Variants in TRIM24 observed in about 807,000 individuals in gnomAD.
TRIM24 encodes the protein transcription intermediary factor 1-alpha.
TRIM24 carries 29 observed loss-of-function variants against 123.9 expected under a neutral mutation model. The ratio of observed to expected loss-of-function variants is 0.23; its 90% confidence interval spans 0.17 to 0.32. The LOEUF (loss-of-function observed/expected upper bound fraction) is 0.32. TRIM24 is among the 10% of genes least tolerant of loss of function. The pLI, the probability that TRIM24 is intolerant of heterozygous loss-of-function variation, is 1.00. For missense variants in TRIM24, 932 were observed against 1,295.3 expected (o/e 0.72, Z 4.31); for synonymous variants, 456 against 461.1 (o/e 0.99, Z 0.14).
chr7:138,563,042 C>A (rs948558916), intron 9 of TRIM24, among the ~76,000 whole-genome samples: 6 of 152,180 alleles, frequency 3.9e-5, no homozygotes, highest in Non-Finnish European at 7.3e-5. Context: ...GTGACCCCTA[C>A]AATAGTTGTA....
chr7:138,519,495 ATTCT>A (rs1482944705), intron 4 of TRIM24, among the ~76,000 whole-genome samples, 174 bp downstream of exon 4: 4 of 152,116 alleles, frequency 2.6e-5, no homozygotes, highest in African/African-American at 7.2e-5. Context: ...GGGCTAGGTA[ATTCT>A]TTATTGTTGA....
intron 1 of TRIM24, chr7:138,461,180 C>A: frequency 1.4e-6 from 1 of 697,662 alleles, no homozygotes; most frequent in Middle Eastern, 2.4e-4. Flanking sequence ...AGCCGGGCGG[C>A]CCCTGCCACT....
intron 1 of TRIM24, among the ~76,000 whole-genome samples, chr7:138,463,272 C>T (rs983075487): frequency 1.3e-5 from 2 of 151,488 alleles, no homozygotes; most frequent in Non-Finnish European, 2.9e-5. Flanking sequence ...TTCCTACCTT[C>T]TTACCTTCCT....
rs545749425 is a variant in TRIM24, at chr7:138,582,496, C to T, written c.2793+725C>T. Among the ~76,000 whole-genome samples the T allele has an allele frequency of 2.0e-5, 3 of 147,534 alleles. No individual in the cohort carries two copies. The South Asian group carries it at 6.5e-4, about 32-fold the overall frequency. On this transcript the variant is annotated intron_variant, in intron 17 of 18. Transcript: ENST00000343526. Reference sequence around the variant, plus strand: ...GGCGGAGCTTGCAGTGAGCCGAGATCATGCCACTGCACTCCAGCCTGGGCA... The same window carrying T: ...GGCGGAGCTTGCAGTGAGCCGAGATTATGCCACTGCACTCCAGCCTGGGCA...
At chr7:138,581,079 T>C (rs1165275703) in intron 16 of TRIM24, among the ~76,000 whole-genome samples, 1 of 152,176 alleles carries the variant, frequency 6.6e-6, no homozygotes, top group African/African-American at 2.4e-5. Context: ...TTTCACTGAA[T>C]GGGACTAGAC....
chr7:138,490,883 G>A (rs1795766394), intron 1 of TRIM24: 4 of 441,200 alleles, frequency 9.1e-6, no homozygotes, highest in Non-Finnish European at 1.7e-5. Context: ...TCTGGATTTG[G>A]CAGACCTGTT....
At chr7:138,521,069 A>T (rs971390915) in intron 4 of TRIM24, among the ~76,000 whole-genome samples, 2 of 152,246 alleles carry the variant, frequency 1.3e-5, no homozygotes, top group African/African-American at 4.8e-5. Context: ...GTAACTTTCA[A>T]ATCTAAAATT....
At chr7:138,472,019 A>G (rs1241691640) in intron 1 of TRIM24, among the ~76,000 whole-genome samples, 2 of 151,912 alleles carry the variant, frequency 1.3e-5, no homozygotes, top group Non-Finnish European at 2.9e-5. Flanking sequence ...AAGACTAAAA[A>G]AAGAAAAAAA....
intron 12 of TRIM24, among the ~76,000 whole-genome samples, chr7:138,576,040 G>A (rs1584747405): frequency 6.6e-6 from 1 of 152,112 alleles, no homozygotes; most frequent in South Asian, 2.1e-4. Flanking sequence ...AGATGTTTTT[G>A]ATTGTCACAC....
intron 7 of TRIM24, among the ~76,000 whole-genome samples, chr7:138,540,448 C>T (rs1796980502): frequency 6.6e-6 from 1 of 152,200 alleles, no homozygotes; most frequent in South Asian, 2.1e-4. Context: ...AGCATCTTCA[C>T]CAGGAGTAAT....
chr7:138,462,395 C>G (rs1047860400), intron 1 of TRIM24, among the ~76,000 whole-genome samples: 1 of 144,384 alleles, frequency 6.9e-6, no homozygotes, highest in Admixed American at 7.1e-5. Flanking sequence ...GGCTGGAGTG[C>G]AGTGGCGCGA....
intron 4 of TRIM24, among the ~76,000 whole-genome samples, chr7:138,522,796 T>C (rs1796530616): frequency 6.6e-6 from 1 of 152,188 alleles, no homozygotes; most frequent in Admixed American, 6.5e-5. Context: ...CTCTATATAC[T>C]TGCAAATTTA....
chr7:138,500,095 C>T (rs148632009), intron 1 of TRIM24, among the ~76,000 whole-genome samples: 1 of 152,270 alleles, frequency 6.6e-6, no homozygotes, highest in East Asian at 1.9e-4. Flanking sequence ...ATGTACATCT[C>T]TTTTGTGGAG....
At chr7:138,476,164 C>T (rs900324113) in intron 1 of TRIM24, among the ~76,000 whole-genome samples, 2 of 152,130 alleles carry the variant, frequency 1.3e-5, no homozygotes, top group African/African-American at 2.4e-5. Context: ...TTCAGTAAGG[C>T]TATTGAGGAC....
At chr7:138,477,584 T>C (rs1795431536) in intron 1 of TRIM24, among the ~76,000 whole-genome samples, 1 of 152,216 alleles carries the variant, frequency 6.6e-6, no homozygotes, top group African/African-American at 2.4e-5. Flanking sequence ...AAACTGATTT[T>C]TAAATCACAA....
At chr7:138,475,988 C>A (rs1404802943) in intron 1 of TRIM24, among the ~76,000 whole-genome samples, 2 of 152,082 alleles carry the variant, frequency 1.3e-5, no homozygotes, top group Non-Finnish European at 2.9e-5. Context: ...AATAATGCTA[C>A]AAGCTGCAGT....
rs572592182 is a variant in TRIM24, at chr7:138,537,763, A to T, written c.997-894A>T. ...CAACTACCATTTCCTCCTTAATTCA[A>T]TGTAGCTCAAGTGTATTTTCCAAAT... is the stretch of plus-strand genomic sequence containing the variant. On this transcript the variant is annotated intron_variant, in intron 6 of 18. Transcript: ENST00000343526. Among the ~76,000 whole-genome samples the T allele has an allele frequency of 2.6e-5, 4 of 152,150 alleles. No individual in the cohort carries two copies. In the South Asian group the frequency reaches 6.2e-4, roughly 24 times the overall value.
chr7:138,554,583 T>A lies in TRIM24; in HGVS notation c.1262-115T>A. ...CTCTTTCAGAGTGTTAAAGGGCTCATGAGATCAGAGAATTTCTTGGCAATT... is the reference window on the plus strand; with the variant it reads ...CTCTTTCAGAGTGTTAAAGGGCTCAAGAGATCAGAGAATTTCTTGGCAATT... On this transcript the variant is annotated intron_variant, in intron 8 of 18. Transcript: ENST00000343526. The surrounding 1 kb of genome is among the most constrained non-coding windows in gnomAD (Gnocchi z 4.5). 9.0e-7 allele frequency: 1 copy of A among 1,116,576 alleles called. No homozygotes were observed. Among genetic ancestry groups the A allele is most frequent in the Non-Finnish European group, 1.3e-6 (1 of 780,840 alleles). The allele number at this position is 1,116,576 out of a possible 1,614,324, so 69.2% of individuals were successfully genotyped here.
intron 6 of TRIM24, 83 bp downstream of exon 6, chr7:138,529,313 T>C (rs1041781170): frequency 2.9e-6 from 2 of 691,400 alleles, no homozygotes; most frequent in African/African-American, 3.7e-5. Flanking sequence ...TAGTGCTTTT[T>C]ATATAGTTGT....
Sources: gnomAD v4.1 joint callset for allele counts (sites outside exome capture counted in the v4.1 genomes callset) on GRCh38, gnomAD v4.1.1 for gene constraint, Gnocchi (gnomAD v3.1) non-coding constraint, MANE v1.5 for transcripts, NCBI Gene and HGNC (gene_info 2026-07-23, HGNC 2026-07-21) for gene names.